Variants in CEP85L observed in about 807,000 individuals in gnomAD.
CEP85L encodes centrosomal protein 85L.
Under a neutral mutation model 100.3 loss-of-function variants are expected in CEP85L, and 60 were observed. That is an observed-to-expected ratio of 0.60 (90% CI 0.49 to 0.74). The LOEUF (loss-of-function observed/expected upper bound fraction) is 0.74, where lower values mean the gene tolerates loss of function less well. CEP85L is among the 30% of genes least tolerant of loss of function. The pLI, the probability that CEP85L is intolerant of heterozygous loss-of-function variation, is 0.00. For synonymous variants in CEP85L, 319 were observed against 322.7 expected (o/e 0.99, Z 0.12); for missense variants, 973 against 936.2 (o/e 1.04, Z -0.51).
chr6:118,654,151 T>TGA (rs1775693294), upstream of CEP85L, among the ~76,000 whole-genome samples: 2 of 152,204 alleles, frequency 1.3e-5, no homozygotes, highest in African/African-American at 2.4e-5. Flanking sequence ...CAGTCACTCA[T>TGA]GCCTGTAATC....
chr6:118,595,946 C>G (rs999212277), intron 2 of CEP85L, among the ~76,000 whole-genome samples: 2 of 152,046 alleles, frequency 1.3e-5, no homozygotes, highest in East Asian at 1.9e-4. Flanking sequence ...GTTGTAGATA[C>G]AATCTAAAAG....
intron 1 of CEP85L, among the ~76,000 whole-genome samples, chr6:118,673,153 A>G (rs1776370104): frequency 6.6e-6 from 1 of 152,194 alleles, no homozygotes; most frequent in Admixed American, 6.5e-5. Context: ...ATAAACACAA[A>G]ATAAGAGTTA....
chr6:118,653,199 T>TAC (rs374747330), upstream of CEP85L, among the ~76,000 whole-genome samples: 22 of 152,324 alleles, frequency 1.4e-4, no homozygotes, highest in African/African-American at 5.3e-4. Flanking sequence ...GGCATGCTAC[T>TAC]ACACACAAAA....
intron 3 of CEP85L, among the ~76,000 whole-genome samples, chr6:118,540,283 G>A: frequency 6.6e-6 from 1 of 151,998 alleles, no homozygotes; most frequent in Admixed American, 6.6e-5. Flanking sequence ...ATTCATTTGT[G>A]CCCTGATACT....
chr6:118,577,287 T>C (rs141910090), intron 2 of CEP85L, among the ~76,000 whole-genome samples: 247 of 152,318 alleles, frequency 1.6e-3, no homozygotes, highest in African/African-American at 5.5e-3. Context: ...TGGACCACTA[T>C]TGGATACTCT....
chr6:118,627,682 C>G (rs1583191377), intron 2 of CEP85L, among the ~76,000 whole-genome samples: 1 of 152,176 alleles, frequency 6.6e-6, no homozygotes, highest in East Asian at 1.9e-4. Flanking sequence ...GGAGTTTGAC[C>G]TGGTTCTCAC....
At chr6:118,666,945 A>G (rs996203464) in intron 1 of CEP85L, among the ~76,000 whole-genome samples, 4 of 152,188 alleles carry the variant, frequency 2.6e-5, no homozygotes, top group African/African-American at 9.7e-5. Flanking sequence ...TAAACTTTAT[A>G]ATGGCTGCTT....
chr6:118,639,077 A>G (rs894230631), intron 1 of CEP85L, among the ~76,000 whole-genome samples: 1 of 152,240 alleles, frequency 6.6e-6, no homozygotes. Flanking sequence ...AATGTTTTTC[A>G]GAATGCAGAT....
At chr6:118,692,995 A>T (rs1777096448) in intron 1 of CEP85L, among the ~76,000 whole-genome samples, 1 of 152,246 alleles carries the variant, frequency 6.6e-6, no homozygotes, top group Non-Finnish European at 1.5e-5. Flanking sequence ...AAAAAGAGGC[A>T]TAGAAAGATT....
chr6:118,568,952 A>T (rs1779708424), intron 2 of CEP85L, among the ~76,000 whole-genome samples: 1 of 151,892 alleles, frequency 6.6e-6, no homozygotes, highest in Non-Finnish European at 1.5e-5. Flanking sequence ...TCTTTAAATT[A>T]AAAAAAATAA....
At position 118,585,227 on chromosome 6, in the gene CEP85L, C is replaced by A. The variant is rs542516065; in HGVS notation, c.233-18911G>T. 3.3e-5 allele frequency among the ~76,000 whole-genome samples: 5 copies of A among 152,374 alleles called. No homozygotes were observed. In the East Asian group the frequency reaches 9.6e-4, roughly 29 times the overall value. On this transcript the variant is annotated intron_variant, in intron 2 of 12. Coordinates refer to ENST00000368491, the MANE Select transcript of CEP85L (RefSeq NM_001042475.3). Reference sequence around the variant, plus strand: ...AAAGGAAAGGTAGCTAACATTTACACAGACTCCAAATATGCTTTCCTGGTT... The same window carrying A: ...AAAGGAAAGGTAGCTAACATTTACAAAGACTCCAAATATGCTTTCCTGGTT...
chr6:118,689,457 C>T (rs1314564181), intron 1 of CEP85L, among the ~76,000 whole-genome samples: 5 of 152,122 alleles, frequency 3.3e-5, no homozygotes, highest in Non-Finnish European at 7.3e-5. Flanking sequence ...AATCTCTAGT[C>T]TGTTAGGAAT....
At chr6:118,688,664 T>G (rs1026910991) in intron 1 of CEP85L, among the ~76,000 whole-genome samples, 1 of 152,226 alleles carries the variant, frequency 6.6e-6, no homozygotes, top group Non-Finnish European at 1.5e-5. Flanking sequence ...TACTGACAAA[T>G]CATGGGCCAG....
At chr6:118,652,880 T>C, upstream of CEP85L, 3 of 587,920 alleles carry the variant, frequency 5.1e-6, no homozygotes, top group South Asian at 6.3e-5. Context: ...TAATGTGCAC[T>C]AGCTCGTTTT....
At chr6:118,487,435 G>A (rs1774263802) in intron 6 of CEP85L, among the ~76,000 whole-genome samples, 1 of 152,142 alleles carries the variant, frequency 6.6e-6, no homozygotes, top group Admixed American at 6.6e-5. Context: ...AAACCAACAT[G>A]TGGGTTCAAT....
In CEP85L at chr6:118,534,939, G is replaced by C. The variant is rs556365974; in HGVS notation, c.1021-11019C>G. Among the ~76,000 whole-genome samples the C allele has an allele frequency of 4.6e-5, 7 of 152,246 alleles. No individual in the cohort carries two copies. The East Asian group carries it at 1.2e-3, about 25-fold the overall frequency. ...GGACGCTGAGGCACAAGAATGGCTT[G>C]AACCTGGGAGGCAGAAGTTGCAGTG... On this transcript the variant is annotated intron_variant, in intron 3 of 12. Coordinates refer to ENST00000368491, the MANE Select transcript of CEP85L (RefSeq NM_001042475.3).
chr6:118,503,606 CAAAAT>C (rs1679908032), intron 5 of CEP85L, among the ~76,000 whole-genome samples: 1 of 151,726 alleles, frequency 6.6e-6, no homozygotes, highest in Middle Eastern at 3.2e-3. Context: ...ATCAATACAA[CAAAAT>C]AGAGAGTCCA....
intron 3 of CEP85L, among the ~76,000 whole-genome samples, chr6:118,535,685 G>A (rs9481822): frequency 0.029 from 4,417 of 152,172 alleles, 109 homozygotes; most frequent in African/African-American, 0.056. Context: ...ACCCACTGGC[G>A]TGTAGTGCCA....
intron 3 of CEP85L, among the ~76,000 whole-genome samples, chr6:118,552,105 AC>A (rs1475388273): frequency 1.3e-5 from 2 of 152,068 alleles, no homozygotes; most frequent in African/African-American, 4.8e-5. Context: ...GATGGAAAAA[AC>A]ATCCTAGAGT....
Sources: gnomAD v4.1 joint callset for allele counts (sites outside exome capture counted in the v4.1 genomes callset) on GRCh38, gnomAD v4.1.1 for gene constraint, MANE v1.5 for transcripts, NCBI Gene and HGNC (gene_info 2026-07-23, HGNC 2026-07-21) for gene names.